The following TMEM132C variants were observed in gnomAD, a reference collection of about 807,000 sequenced individuals.
The protein encoded by TMEM132C is transmembrane protein 132C.
In TMEM132C, 29 loss-of-function variants were observed where a neutral mutation model predicts 61.4. The observed-to-expected ratio is 0.47, with a 90% CI of 0.35 to 0.64. TMEM132C has a LOEUF of 0.64. TMEM132C is among the 30% of genes least tolerant of loss of function. TMEM132C has a pLI of 0.00. For missense variants in TMEM132C, 1,408 were observed against 1,476.9 expected, an observed-to-expected ratio of 0.95 and a Z score of 0.76; for synonymous variants, 656 against 633.1, an observed-to-expected ratio of 1.04 and a Z score of -0.54.
chr12:128,351,795 G>T (rs557659791), intron 1 of TMEM132C, among the ~76,000 whole-genome samples: 1 of 152,164 alleles, frequency 6.6e-6, no homozygotes, highest in Non-Finnish European at 1.5e-5. Flanking sequence ...CTCCTAGCAG[G>T]CCCCACCTCC....
In TMEM132C at chr12:128,688,787, C is replaced by G. The variant is rs191074007; in HGVS notation, c.1450-5042C>G. On this transcript the variant is annotated intron_variant, in intron 5 of 8. Coordinates refer to ENST00000435159, the MANE Select transcript of TMEM132C (RefSeq NM_001136103.3). ...ATTGATTTTATGGTAAAAAATAAAGCCTTAAAAACTGTTTTAAAAAAATTG... is the reference window on the plus strand; with the variant it reads ...ATTGATTTTATGGTAAAAAATAAAGGCTTAAAAACTGTTTTAAAAAAATTG... Among the ~76,000 whole-genome samples, 281 of 152,182 alleles carry G rather than the reference C, an allele frequency of 1.8e-3. 3 individuals carry two copies. Among genetic ancestry groups the G allele is most frequent in the South Asian group, 7.1e-3 (34 of 4,820 alleles).
chr12:128,552,695 G>A (rs891930962), intron 3 of TMEM132C, among the ~76,000 whole-genome samples: 3 of 152,140 alleles, frequency 2.0e-5, no homozygotes, highest in African/African-American at 7.2e-5. Context: ...GATCACCTGA[G>A]GTCAGGAGTT....
At chr12:128,287,768 C>G (rs1051095469) in intron 1 of TMEM132C, among the ~76,000 whole-genome samples, 3 of 152,180 alleles carry the variant, frequency 2.0e-5, no homozygotes, top group African/African-American at 7.2e-5. Flanking sequence ...GTTGGTCCAG[C>G]ATCTCATGCT....
intron 1 of TMEM132C, among the ~76,000 whole-genome samples, chr12:128,324,711 A>C (rs993226017): frequency 6.6e-6 from 1 of 152,116 alleles, no homozygotes; most frequent in African/African-American, 2.4e-5. Context: ...ATATACAAAA[A>C]TTAGCCAGGC....
rs529882116 is a variant in TMEM132C at position 128,575,239 on chromosome 12, G to A, written c.1121+31136G>A. 3.9e-4 allele frequency among the ~76,000 whole-genome samples: 60 copies of A among 152,194 alleles called. 1 individual carries two copies. Among genetic ancestry groups the A allele is most frequent in the Non-Finnish European group, 6.8e-4 (46 of 68,036 alleles). On this transcript the variant is annotated intron_variant, in intron 3 of 8. Coordinates refer to ENST00000435159, the MANE Select transcript of TMEM132C (RefSeq NM_001136103.3). ...TCATGCCTATAATCCCAACACTTTG[G>A]GGGGGCCAAGGCAGGCGGATCACGA...
chr12:128,401,796 A>G (rs190902338), intron 1 of TMEM132C, among the ~76,000 whole-genome samples: 8 of 152,294 alleles, frequency 5.3e-5, no homozygotes, highest in East Asian at 3.9e-4. Context: ...TTGTGGTTGT[A>G]GAACAGTCTC....
At chr12:128,314,305 A>G (rs1007265504) in intron 1 of TMEM132C, among the ~76,000 whole-genome samples, 6 of 152,006 alleles carry the variant, frequency 3.9e-5, no homozygotes, top group Admixed American at 3.3e-4. Context: ...TTTATAAGGA[A>G]CAATCTTTAA....
At chr12:128,505,296 T>A (rs113583920) in intron 2 of TMEM132C, among the ~76,000 whole-genome samples, 2,123 of 152,248 alleles carry the variant, frequency 0.014, 34 homozygotes, top group African/African-American at 0.044. Context: ...AGATAGATTG[T>A]TTCCAGCATG....
At chr12:128,324,888 A>G (rs1329208078) in intron 1 of TMEM132C, among the ~76,000 whole-genome samples, 1 of 152,238 alleles carries the variant, frequency 6.6e-6, no homozygotes, top group Admixed American at 6.5e-5. Flanking sequence ...ATCTTCAAGA[A>G]CGAGACATTA....
chr12:128,298,419 C>CTT (rs200813358), intron 1 of TMEM132C, among the ~76,000 whole-genome samples: 25 of 150,820 alleles, frequency 1.7e-4, no homozygotes, highest in Non-Finnish European at 3.0e-4. Context: ...TTTGTTTTAA[C>CTT]TTTTTTTTTT....
intron 1 of TMEM132C, among the ~76,000 whole-genome samples, chr12:128,299,310 G>C (rs557145943): frequency 6.6e-6 from 1 of 152,126 alleles, no homozygotes; most frequent in Non-Finnish European, 1.5e-5. Flanking sequence ...CCATGTTTGA[G>C]TCAACCACAA....
chr12:128,517,233 C>CAAATAAAT (rs59000862), intron 2 of TMEM132C, among the ~76,000 whole-genome samples: 16,401 of 142,590 alleles, frequency 0.12, 1,135 homozygotes, highest in Admixed American at 0.17. Flanking sequence ...TCCGTCTCAA[C>CAAATAAAT]AAATAAATAA....
intron 3 of TMEM132C, among the ~76,000 whole-genome samples, chr12:128,562,814 A>T (rs1874570892): frequency 6.6e-6 from 1 of 152,202 alleles, no homozygotes. Flanking sequence ...GTTCATCAAG[A>T]TAGAGCAGAT....
At chr12:128,480,879 C>T (rs928111190) in intron 2 of TMEM132C, among the ~76,000 whole-genome samples, 1 of 152,146 alleles carries the variant, frequency 6.6e-6, no homozygotes. Flanking sequence ...AAAAAGGATT[C>T]GGCTGCTTGG....
intron 5 of TMEM132C, 43 bp from the exon 6 acceptor site, chr12:128,693,786 T>C (rs1566017140): frequency 1.1e-5 from 17 of 1,545,226 alleles, no homozygotes; most frequent in Non-Finnish European, 1.5e-5. Flanking sequence ...TCTCCAAGGC[T>C]CCATGAACTT....
chr12:128,617,498 A>G (rs867339389), intron 4 of TMEM132C, among the ~76,000 whole-genome samples: 1 of 152,220 alleles, frequency 6.6e-6, no homozygotes, highest in African/African-American at 2.4e-5. Context: ...GGCCTGGGGA[A>G]TGTATCACCC....
intron 1 of TMEM132C, among the ~76,000 whole-genome samples, chr12:128,294,435 T>G (rs1871340444): frequency 6.6e-6 from 1 of 152,034 alleles, no homozygotes. Flanking sequence ...CCTCTCTAAT[T>G]CTGGAAAGAG....
At chr12:128,350,776 T>C (rs940881892) in intron 1 of TMEM132C, among the ~76,000 whole-genome samples, 1 of 152,008 alleles carries the variant, frequency 6.6e-6, no homozygotes, top group African/African-American at 2.4e-5. Context: ...GAATAACGAC[T>C]GCCCTTTCCA....
chr12:128,636,564 TTGTGTGTGTGTGTGTGTGTG>T (rs61201583), intron 4 of TMEM132C, among the ~76,000 whole-genome samples: 3 of 142,254 alleles, frequency 2.1e-5, no homozygotes, highest in African/African-American at 7.9e-5. Context: ...GGGTTTTTGT[TTGTGTGTGTGTGTGTGTGTG>T]TGTGTGTGTG....
Sources: gnomAD v4.1 joint callset for allele counts (sites outside exome capture counted in the v4.1 genomes callset) on GRCh38, gnomAD v4.1.1 for gene constraint, MANE v1.5 for transcripts, NCBI Gene and HGNC (gene_info 2026-07-23, HGNC 2026-07-21) for gene names.